CCDC85C: variants seen among roughly 807,000 people sequenced by gnomAD.
CCDC85C encodes the protein coiled-coil domain-containing protein 85C.
A neutral mutation model predicts 38.3 loss-of-function variants in CCDC85C; 18 were observed. The ratio of observed to expected loss-of-function variants is 0.47; its 90% confidence interval spans 0.33 to 0.70. The LOEUF (loss-of-function observed/expected upper bound fraction) is 0.70. Ranked by LOEUF, CCDC85C falls within the 30% of genes least tolerant of loss-of-function variation. The pLI, the probability that CCDC85C is intolerant of heterozygous loss-of-function variation, is 0.03. For missense variants in CCDC85C, 566 were observed against 621.2 expected (o/e 0.91, Z 0.94); for synonymous variants, 264 against 293.8 (o/e 0.90, Z 1.04).
At chr14:99,582,673 GTGT>G (rs2054986233) in intron 1 of CCDC85C, among the ~76,000 whole-genome samples, 1 of 152,166 alleles carries the variant, frequency 6.6e-6, no homozygotes, top group South Asian at 2.1e-4. Flanking sequence ...AATTAGCCAG[GTGT>G]GGTGGCGCAC....
In CCDC85C at chr14:99,502,976, C is replaced by G; in HGVS notation, c.*12270G>C. On this transcript the variant is annotated 3_prime_UTR_variant, in exon 6 of 6. Coordinates refer to ENST00000380243, the MANE Select transcript of CCDC85C (RefSeq NM_001144995.2). ...GCCCAGTTCTCCCCGACAGGTTAAG[C>G]GAGCCGTGGTGAGTGGGCTAAAGCA... The G allele has an allele frequency of 6.2e-7, 1 of 1,613,972 alleles. No individual in the cohort carries two copies. Among genetic ancestry groups the G allele is most frequent in the South Asian group, 1.1e-5 (1 of 91,076 alleles).
intron 1 of CCDC85C, among the ~76,000 whole-genome samples, chr14:99,567,990 C>T (rs75073043): frequency 6.6e-6 from 1 of 152,092 alleles, no homozygotes; most frequent in Admixed American, 6.5e-5. Flanking sequence ...GACTGCCCCC[C>T]ACTCCCACCC....
chr14:99,567,258 T>C (rs1046219329), intron 1 of CCDC85C, among the ~76,000 whole-genome samples: 1 of 152,220 alleles, frequency 6.6e-6, no homozygotes, highest in Middle Eastern at 3.4e-3. Context: ...CCAGGCACGG[T>C]CTATACACTG....
At chr14:99,581,471 C>G (rs936087603) in intron 1 of CCDC85C, among the ~76,000 whole-genome samples, 63 of 152,360 alleles carry the variant, frequency 4.1e-4, no homozygotes, top group African/African-American at 1.5e-3. Context: ...CTCGCTCCCC[C>G]CACCCATGGT....
At chr14:99,583,283 T>C (rs910177173) in intron 1 of CCDC85C, among the ~76,000 whole-genome samples, 4 of 151,982 alleles carry the variant, frequency 2.6e-5, no homozygotes, top group African/African-American at 9.7e-5. Context: ...GGCGGATGGA[T>C]TGCCTAAGGT....
chr14:99,562,420 G>A lies in CCDC85C; in HGVS notation c.794-26332C>T, dbSNP rs190430421. Among the ~76,000 whole-genome samples, 11 of 152,292 alleles carry A rather than the reference G, an allele frequency of 7.2e-5. No individual in the cohort carries two copies. In the South Asian group the frequency reaches 1.7e-3, roughly 23 times the overall value. On this transcript the variant is annotated intron_variant, in intron 1 of 5. Coordinates refer to ENST00000380243, the MANE Select transcript of CCDC85C (RefSeq NM_001144995.2). The stretch of plus-strand genomic sequence containing the variant: ...CACAATCACTGAGGAACAGTAACGC[G>A]CTGCTGGACATCAGGCACATGGTGC...
Position 99,510,170 on chromosome 14 carries a change from C to T in CCDC85C, c.*5076G>A. The T allele has an allele frequency of 6.3e-7, 1 of 1,597,530 alleles. No homozygotes were observed. The highest frequency in any genetic ancestry group is 1.1e-5 in the South Asian group (1 of 88,800). The stretch of plus-strand genomic sequence containing the variant: ...TCTCTCCTGCAGACCGGAAGCCTCC[C>T]CTCGCTGCTGCCTTAGGTGAGGCTG... On this transcript the variant is annotated 3_prime_UTR_variant, in exon 6 of 6. Coordinates refer to ENST00000380243, the MANE Select transcript of CCDC85C (RefSeq NM_001144995.2).
intron 1 of CCDC85C, among the ~76,000 whole-genome samples, chr14:99,570,961 C>A (rs534819393): frequency 1.4e-4 from 21 of 152,062 alleles, no homozygotes; most frequent in Non-Finnish European, 2.4e-4. Context: ...CCAGATCCCA[C>A]GAGGGGCTTC....
At chr14:99,522,272 G>C in intron 2 of CCDC85C, 32 bp from the exon 3 acceptor site, 1 of 1,497,412 alleles carries the variant, frequency 6.7e-7, no homozygotes, top group Non-Finnish European at 9.0e-7. Flanking sequence ...GGGTTAGACG[G>C]AGGGCCAGGC....
intron 1 of CCDC85C, among the ~76,000 whole-genome samples, chr14:99,586,642 T>C (rs184551787): frequency 1.4e-3 from 219 of 152,316 alleles, no homozygotes; most frequent in African/African-American, 4.9e-3. Context: ...AACGCGTCCA[T>C]TTTTAGAAAG....
Position 99,509,958 on chromosome 14 carries a change from G to A in CCDC85C, c.*5288C>T, listed in dbSNP as rs183125932. 4.9e-6 allele frequency: 3 copies of A among 614,156 alleles called. No individual in the cohort carries two copies. In the African/African-American group the frequency reaches 5.5e-5, roughly 11 times the overall value. The allele number at this position is 614,156 out of a possible 1,614,324, so 38.0% of individuals were successfully genotyped here. A position where few individuals can be genotyped will look rare whatever the true frequency, so the allele number is the denominator to read the frequency against. On this transcript the variant is annotated 3_prime_UTR_variant, in exon 6 of 6. Coordinates refer to ENST00000380243, the MANE Select transcript of CCDC85C (RefSeq NM_001144995.2). ...AAAACCCCAGGTCGTCGCAGACAGG[G>A]TGGAGGGCCTTCTTGACAGATGGTG...
chr14:99,563,255 G>A (rs945259191), intron 1 of CCDC85C, among the ~76,000 whole-genome samples: 2 of 152,250 alleles, frequency 1.3e-5, no homozygotes, highest in African/African-American at 4.8e-5. Flanking sequence ...CTGCTTCTCC[G>A]TCCACTCCTC....
In CCDC85C at chr14:99,502,915, G is replaced by C. The variant is rs1379776671; in HGVS notation, c.*12331C>G. The C allele has an allele frequency of 9.9e-6, 16 of 1,613,632 alleles. No individual in the cohort carries two copies. The highest frequency in any genetic ancestry group is 9.3e-6 in the Non-Finnish European group (11 of 1,179,800). ...ACCCCCAGCAACCAGCCCAGCAGCA[G>C]CAGCCAGCCCAACAGCCCAAGAAAC... is the stretch of plus-strand genomic sequence containing the variant. On this transcript the variant is annotated 3_prime_UTR_variant, in exon 6 of 6. Coordinates refer to ENST00000380243, the MANE Select transcript of CCDC85C (RefSeq NM_001144995.2).
rs1897182370 is a variant in CCDC85C at position 99,514,100 on chromosome 14, T to G, written c.*1146A>C. 6.6e-6 allele frequency: 1 copy of G among 152,296 alleles called. No homozygotes were observed. Among genetic ancestry groups the G allele is most frequent in the African/African-American group, 2.4e-5 (1 of 41,460 alleles). 9.4% of individuals were successfully genotyped at this position (152,296 alleles called of 1,614,324 possible). A position where few individuals can be genotyped will look rare whatever the true frequency, so the allele number is the denominator to read the frequency against. On this transcript the variant is annotated 3_prime_UTR_variant, in exon 6 of 6. Coordinates refer to ENST00000380243, the MANE Select transcript of CCDC85C (RefSeq NM_001144995.2). ...GCTCCACCCGGCCCGCCCTCAGCCG[T>G]CGGCTGTTGGCTCACGCCCCCTCAG...
chr14:99,503,094 T>C lies in CCDC85C; in HGVS notation c.*12152A>G. On this transcript the variant is annotated 3_prime_UTR_variant, in exon 6 of 6. Coordinates refer to ENST00000380243, the MANE Select transcript of CCDC85C (RefSeq NM_001144995.2). ...CACAGGGAACACCGGAAGCAGGGGG[T>C]GTTCGCCGAAACTCGCAGTCCGACT... 7.8e-7 allele frequency: 1 copy of C among 1,277,010 alleles called. No homozygotes were observed. Among genetic ancestry groups the C allele is most frequent in the South Asian group, 1.2e-5 (1 of 84,110 alleles). 79.1% of individuals were successfully genotyped at this position (1,277,010 alleles called of 1,614,324 possible). A position where few individuals can be genotyped will look rare whatever the true frequency, so the allele number is the denominator to read the frequency against.
intron 1 of CCDC85C, among the ~76,000 whole-genome samples, chr14:99,591,666 G>A (rs60692965): frequency 0.076 from 11,629 of 152,076 alleles, 859 homozygotes; most frequent in East Asian, 0.2. Flanking sequence ...TGCAGCCGGT[G>A]GGGAGGGTGG....
rs1409419857 is a variant in CCDC85C at position 99,500,867 on chromosome 14, C to G, written c.*14379G>C. Reference sequence around the variant, plus strand: ...TCCTACTAAAATATGCAAAGCAACTCAAAGGTAAGAAGAAAGTTTTCAGAA... The same window carrying G: ...TCCTACTAAAATATGCAAAGCAACTGAAAGGTAAGAAGAAAGTTTTCAGAA... On this transcript the variant is annotated 3_prime_UTR_variant, in exon 6 of 6. Coordinates refer to ENST00000380243, the MANE Select transcript of CCDC85C (RefSeq NM_001144995.2). 2 of 1,519,024 alleles carry G rather than the reference C, an allele frequency of 1.3e-6. No homozygotes were observed. The highest frequency in any genetic ancestry group is 2.4e-5 in the East Asian group (1 of 41,400). 94.1% of individuals were successfully genotyped at this position (1,519,024 alleles called of 1,614,324 possible). A position where few individuals can be genotyped will look rare whatever the true frequency, so the allele number is the denominator to read the frequency against.
In CCDC85C at chr14:99,509,173, C is replaced by G. The variant is rs1424709426; in HGVS notation, c.*6073G>C. On this transcript the variant is annotated 3_prime_UTR_variant, in exon 6 of 6. Coordinates refer to ENST00000380243, the MANE Select transcript of CCDC85C (RefSeq NM_001144995.2). Reference sequence around the variant, plus strand: ...TTGCCTAACCCAAGTGCCTGGGGAACCAGAAGCATCTTCGTGGCTTTGTCC... The same window carrying G: ...TTGCCTAACCCAAGTGCCTGGGGAAGCAGAAGCATCTTCGTGGCTTTGTCC... 1 of 152,238 alleles carries G rather than the reference C, an allele frequency of 6.6e-6. No individual in the cohort carries two copies. The highest frequency in any genetic ancestry group is 1.9e-4 in the East Asian group (1 of 5,192). 9.4% of individuals were successfully genotyped at this position (152,238 alleles called of 1,614,324 possible).
chr14:99,516,531 G>A lies in CCDC85C; in HGVS notation c.1072-245C>T, dbSNP rs1459500627. On this transcript the variant is annotated intron_variant, in intron 4 of 5. Coordinates refer to ENST00000380243, the MANE Select transcript of CCDC85C (RefSeq NM_001144995.2). The surrounding 1 kb of genome is among the most constrained non-coding windows in gnomAD (Gnocchi z 5.5). ...CACCCGGGAGGAAGTAGACAGGCTG[G>A]GCAAGGAAGACCCTCAGACAGGTGG... Among the ~76,000 whole-genome samples the A allele has an allele frequency of 6.6e-6, 1 of 152,168 alleles. No individual in the cohort carries two copies. The highest frequency in any genetic ancestry group is 1.5e-5 in the Non-Finnish European group (1 of 68,030).
Sources: gnomAD v4.1 joint callset for allele counts (sites outside exome capture counted in the v4.1 genomes callset) on GRCh38, gnomAD v4.1.1 for gene constraint, Gnocchi (gnomAD v3.1) non-coding constraint, MANE v1.5 for transcripts, NCBI Gene and HGNC (gene_info 2026-07-23, HGNC 2026-07-21) for gene names.